Variants in PCDHGA10 observed in about 807,000 individuals in gnomAD.
PCDHGA10 encodes protocadherin gamma-A10.
PCDHGA10 carries 42 observed loss-of-function variants against 59.5 expected under a neutral mutation model. That is an observed-to-expected ratio of 0.71 (90% CI 0.55 to 0.91). The LOEUF is 0.91. Among genes scored for constraint, PCDHGA10 ranks in the 40% least tolerant of loss-of-function variants. The pLI, the probability that PCDHGA10 is intolerant of heterozygous loss-of-function variation, is 0.00. For missense variants in PCDHGA10, 1,111 were observed against 1,198.2 expected (o/e 0.93, Z 1.07); for synonymous variants, 511 against 517.2 (o/e 0.99, Z 0.16).
chr5:141,423,730 A>G, intron 1 of PCDHGA10: 1 of 831,022 alleles, frequency 1.2e-6, no homozygotes. Flanking sequence ...ATGTTTTTTG[A>G]GCCTGTTATG....
rs1008514691 is a variant in PCDHGA10 at position 141,414,059 on chromosome 5, A to C, written c.884A>C (p.Lys295Thr). 1 of 1,609,440 alleles carries C rather than the reference A, an allele frequency of 6.2e-7. No individual in the cohort carries two copies. Among genetic ancestry groups the C allele is most frequent in the East Asian group, 2.2e-5 (1 of 44,784 alleles). ...AAATTACCTGACACGCAATTGTTGA[A>C]GTTCCAACTAAACAAATATACTGGA... ...FRKLPDTQLLKFQLNKYTGEI... is the reference protein window; with the variant it reads ...FRKLPDTQLLTFQLNKYTGEI... Residue 295 changes from lysine (K) to threonine (T), a missense_variant, in exon 1 of 4, where the codon AAG becomes ACG. Coordinates refer to ENST00000398610, the MANE Select transcript of PCDHGA10 (RefSeq NM_018913.3).
chr5:141,504,941 T>G (rs2099842166), intron 2 of PCDHGA10, among the ~76,000 whole-genome samples: 1 of 152,046 alleles, frequency 6.6e-6, no homozygotes, highest in East Asian at 1.9e-4. Flanking sequence ...GGTGGGGGAA[T>G]GCACTATGTT....
At position 141,414,389 on chromosome 5, in the gene PCDHGA10, A is replaced by G; in HGVS notation, c.1214A>G (p.Tyr405Cys). 3 of 1,613,926 alleles carry G rather than the reference A, an allele frequency of 1.9e-6. No homozygotes were observed. Among genetic ancestry groups the G allele is most frequent in the African/African-American group, 2.7e-5 (2 of 75,054 alleles). Residue 405 changes from tyrosine to cysteine, a missense_variant, in exon 1 of 4, where the codon TAT becomes TGT. By Grantham distance (194) the Tyr-to-Cys change is radical (BLOSUM62 -2). Coordinates refer to ENST00000398610, the MANE Select transcript of PCDHGA10 (RefSeq NM_018913.3). ...AAATTAGAAAAGTCCATTGACAGTT[A>G]TTACAGATTGGTGATACACAGAGCC... ...PFKLEKSIDS[Y>C]YRLVIHRALD...
intron 1 of PCDHGA10, chr5:141,421,459 G>T: frequency 6.2e-7 from 1 of 1,614,142 alleles, no homozygotes; most frequent in South Asian, 1.1e-5. Context: ...GCTTTTCGCT[G>T]TGAATCCGCG....
In PCDHGA10 at chr5:141,432,611, T is replaced by G. The variant is rs141541670; in HGVS notation, c.2436+17000T>G. The G allele has an allele frequency of 4.2e-4, 676 of 1,613,808 alleles. 1 individual carries two copies. The African/African-American group carries it at 5.6e-3, about 13-fold the overall frequency. On this transcript the variant is annotated intron_variant, in intron 1 of 3. Coordinates refer to ENST00000398610, the MANE Select transcript of PCDHGA10 (RefSeq NM_018913.3). This position sits in a 1 kb window ranked among gnomAD's most constrained non-coding sequence, Gnocchi z 6.0. ...CAAGGCCAGCGAGCCGGGACTCTTC[T>G]CGGTGGGTCTGCACACGGGCGAGGT...
At chr5:141,453,420 C>A (rs2098764964) in intron 1 of PCDHGA10, among the ~76,000 whole-genome samples, 1 of 152,054 alleles carries the variant, frequency 6.6e-6, no homozygotes, top group African/African-American at 2.4e-5. Context: ...GCATAAGCCA[C>A]CACACCTAGC....
intron 3 of PCDHGA10, among the ~76,000 whole-genome samples, chr5:141,505,995 C>T (rs1041284805): frequency 5.3e-5 from 8 of 152,142 alleles, no homozygotes; most frequent in African/African-American, 1.4e-4. Flanking sequence ...CCTCTTTATG[C>T]GAGGCTCCTC....
intron 1 of PCDHGA10, among the ~76,000 whole-genome samples, chr5:141,479,036 G>C (rs1202411463): frequency 1.3e-5 from 2 of 152,012 alleles, no homozygotes; most frequent in Non-Finnish European, 2.9e-5. Flanking sequence ...TATACAGATC[G>C]TGTACCTCAT....
intron 1 of PCDHGA10, chr5:141,441,982 G>T: frequency 3.6e-6 from 1 of 277,096 alleles, no homozygotes; most frequent in South Asian, 3.6e-5. Flanking sequence ...CCTGGAATGC[G>T]CACCGACGAG....
At chr5:141,422,318 G>A (rs778935746) in intron 1 of PCDHGA10, 10 of 1,548,110 alleles carry the variant, frequency 6.5e-6, no homozygotes, top group Non-Finnish European at 7.8e-6. Context: ...TCTCCTCCAG[G>A]TACAGTGATT....
At position 141,415,481 on chromosome 5, in the gene PCDHGA10, A is replaced by G; in HGVS notation, c.2306A>G (p.Lys769Arg). The change falls in exon 1 of 4, where the codon AAG becomes AGG. Residue 769 changes from lysine to arginine, a missense_variant. Lys to Arg is a conservative substitution (Grantham distance 26). Coordinates refer to ENST00000398610, the MANE Select transcript of PCDHGA10 (RefSeq NM_018913.3). The stretch of plus-strand genomic sequence containing the variant: ...GTCTCTCTCACCGCGGACTCGCGAA[A>G]GAGTCACCTGATCTTCCCCCAGCCC... Reference protein sequence around the residue: ...HEVSLTADSRKSHLIFPQPNY... With the variant: ...HEVSLTADSRRSHLIFPQPNY... 1.9e-6 allele frequency: 3 copies of G among 1,614,114 alleles called. No homozygotes were observed. Among genetic ancestry groups the G allele is most frequent in the Non-Finnish European group, 1.7e-6 (2 of 1,179,954 alleles).
chr5:141,508,091 GCCC>G (rs2099866180), intron 3 of PCDHGA10: 1 of 152,482 alleles, frequency 6.6e-6, no homozygotes, highest in Non-Finnish European at 1.5e-5. Flanking sequence ...TGCTGCCTTG[GCCC>G]TGGGATGGGG....
rs772487189 is a variant in PCDHGA10 at position 141,415,555 on chromosome 5, C to G, written c.2380C>G (p.Pro794Ala). 5 of 1,613,954 alleles carry G rather than the reference C, an allele frequency of 3.1e-6. No homozygotes were observed. In the African/African-American group the frequency reaches 6.7e-5, roughly 22 times the overall value. The change falls in exon 1 of 4, where the codon CCT becomes GCT. Residue 794 changes from proline to alanine, a missense_variant. Pro to Ala is a conservative substitution (Grantham distance 27). Transcript: ENST00000398610. ...ISQESCEKND[P>A]LSLLDDSKFP... is the part of the protein sequence containing the mutation. ...CCAGGAGAGCTGTGAGAAAAACGAT[C>G]CTTTGTCTTTGTTAGATGATTCGAA...
intron 1 of PCDHGA10, chr5:141,422,796 T>C: frequency 6.2e-7 from 1 of 1,614,234 alleles, no homozygotes; most frequent in Middle Eastern, 1.6e-4. Flanking sequence ...CCTTCGACTA[T>C]GAGCAGTTTC....
At position 141,415,461 on chromosome 5, in the gene PCDHGA10, T is replaced by C; in HGVS notation, c.2286T>C (p.Ser762=). Reference sequence around the variant, plus strand: ...TGCAGACCTATTCCCACGAGGTCTCTCTCACCGCGGACTCGCGAAAGAGTC... The same window carrying C: ...TGCAGACCTATTCCCACGAGGTCTCCCTCACCGCGGACTCGCGAAAGAGTC... The part of the protein sequence containing the change: ...AFLQTYSHEV[S]LTADSRKSHL... The change falls in exon 1 of 4, where the codon TCT becomes TCC. Residue 762 remains serine (S), a synonymous_variant. Coordinates refer to ENST00000398610, the MANE Select transcript of PCDHGA10 (RefSeq NM_018913.3). 3.1e-6 allele frequency: 5 copies of C among 1,614,180 alleles called. No individual in the cohort carries two copies. Among genetic ancestry groups the C allele is most frequent in the Non-Finnish European group, 4.2e-6 (5 of 1,180,034 alleles).
chr5:141,505,343 G>C (rs2099845454), intron 2 of PCDHGA10, 50 bp from the exon 3 acceptor site: 1 of 1,612,934 alleles, frequency 6.2e-7, no homozygotes, highest in Non-Finnish European at 8.5e-7. Context: ...GGAGGGGCAT[G>C]AGCTGTGCCG....
intron 1 of PCDHGA10, among the ~76,000 whole-genome samples, chr5:141,460,684 T>C (rs1417815686): frequency 6.6e-6 from 1 of 152,074 alleles, no homozygotes; most frequent in Non-Finnish European, 1.5e-5. Context: ...TATCTATATA[T>C]CCACCAACAG....
Position 141,505,374 on chromosome 5 carries a change from C to T in PCDHGA10, c.2496-19C>T. The T allele has an allele frequency of 2.5e-6, 4 of 1,614,004 alleles. No homozygotes were observed. Among genetic ancestry groups the T allele is most frequent in the Non-Finnish European group, 2.5e-6 (3 of 1,179,944 alleles). On this transcript the variant is annotated intron_variant, in intron 2 of 3. Coordinates refer to ENST00000398610, the MANE Select transcript of PCDHGA10 (RefSeq NM_018913.3). Reference sequence around the variant, plus strand: ...TGCCGGCCTGGGAGTCTGTGCTCACCATCCTACTCTCTCCCCAGCTCCCAA... The same window carrying T: ...TGCCGGCCTGGGAGTCTGTGCTCACTATCCTACTCTCTCCCCAGCTCCCAA...
chr5:141,477,737 G>T lies in PCDHGA10; in HGVS notation c.2437-17070G>T, dbSNP rs1178108717. 1.2e-6 allele frequency: 2 copies of T among 1,613,846 alleles called. No homozygotes were observed. Among genetic ancestry groups the T allele is most frequent in the South Asian group, 1.1e-5 (1 of 91,088 alleles). ...ATTTGAATTAACAGCTCATATCAGC[G>T]ATGGGGGCACCCCGGTCCTAGCCAC... On this transcript the variant is annotated intron_variant, in intron 1 of 3. Coordinates refer to ENST00000398610, the MANE Select transcript of PCDHGA10 (RefSeq NM_018913.3). This position sits in a 1 kb window ranked among gnomAD's most constrained non-coding sequence, Gnocchi z 4.9.
Sources: allele counts gnomAD v4.1 joint callset (sites outside exome capture counted in the v4.1 genomes callset), GRCh38; gene constraint gnomAD v4.1.1; non-coding constraint Gnocchi (gnomAD v3.1); transcripts MANE v1.5; gene names NCBI Gene and HGNC (gene_info 2026-07-23, HGNC 2026-07-21).